ERC1: variants seen among roughly 807,000 people sequenced by gnomAD.
The protein encoded by ERC1 is RAB6 interacting protein 2.
ERC1 carries 56 observed loss-of-function variants against 132.0 expected under a neutral mutation model. That is an observed-to-expected ratio of 0.42 (90% CI 0.34 to 0.53). The LOEUF (loss-of-function observed/expected upper bound fraction) is 0.53. ERC1 is among the 20% of genes least tolerant of loss of function. The pLI is 0.03. For synonymous variants in ERC1, 478 were observed against 476.1 expected (o/e 1.00, Z -0.05); for missense variants, 1,202 against 1,349.9 (o/e 0.89, Z 1.72).
At chr12:1,306,089 A>G (rs1188762605) in intron 15 of ERC1, among the ~76,000 whole-genome samples, 1 of 152,136 alleles carries the variant, frequency 6.6e-6, no homozygotes, top group Admixed American at 6.5e-5. Flanking sequence ...TTATTTTTCC[A>G]GTATACTTTA....
intron 15 of ERC1, among the ~76,000 whole-genome samples, chr12:1,331,678 G>C (rs11837688): frequency 0.39 from 58,796 of 151,988 alleles, 11,660 homozygotes; most frequent in African/African-American, 0.44. Flanking sequence ...CTGGTGTTAA[G>C]CGATGAGCCT....
At chr12:1,013,277 A>T (rs150778540) in intron 1 of ERC1, among the ~76,000 whole-genome samples, 20 of 152,292 alleles carry the variant, frequency 1.3e-4, no homozygotes, top group Admixed American at 4.6e-4. Context: ...CAACTGGAGA[A>T]CAACTATGAT....
chr12:1,195,624 G>A (rs1956147646), intron 12 of ERC1, among the ~76,000 whole-genome samples: 1 of 152,124 alleles, frequency 6.6e-6, no homozygotes, highest in African/African-American at 2.4e-5. Flanking sequence ...TTATCTTGTC[G>A]GGATGTGATA....
intron 15 of ERC1, among the ~76,000 whole-genome samples, chr12:1,293,784 A>G (rs2079686556): frequency 6.6e-6 from 1 of 152,212 alleles, no homozygotes; most frequent in Admixed American, 6.5e-5. Flanking sequence ...ATGAAAATGC[A>G]TTCTGAGTTA....
At position 1,027,920 on chromosome 12, in the gene ERC1, G is replaced by T. The variant is rs140435811; in HGVS notation, c.17G>T (p.Arg6Leu). The change falls in exon 2 of 19, where the codon CGC becomes CTC. Residue 6 changes from arginine (R) to leucine (L), a missense_variant. By Grantham distance (102) the Arg-to-Leu change is moderately radical (BLOSUM62 -2). Transcript: ENST00000360905. MYGSA[R>L]SVGKVEPSSQ... The stretch of plus-strand genomic sequence containing the variant: ...CTTGCAACCATGTATGGAAGTGCCC[G>T]CTCTGTTGGGAAGGTGGAGCCGAGC... 1 of 1,608,154 alleles carries T rather than the reference G, an allele frequency of 6.2e-7. No individual in the cohort carries two copies. The highest frequency in any genetic ancestry group is 8.5e-7 in the Non-Finnish European group (1 of 1,175,818).
rs547925782 is a variant in ERC1 at position 1,367,976 on chromosome 12, C to T, written c.2781-3857C>T. ...CTTTTTTTTTTTTTTTTTTTTTTAA[C>T]TCTGGAAAAGAAGGGAACAGAACAA... On this transcript the variant is annotated intron_variant, in intron 15 of 18. Transcript: ENST00000360905. Among the ~76,000 whole-genome samples the T allele has an allele frequency of 6.2e-3, 675 of 108,292 alleles. 4 individuals are homozygous for T. Among genetic ancestry groups the T allele is most frequent in the Non-Finnish European group, 8.3e-3 (476 of 57,154 alleles). The allele number at this position is 108,292 out of a possible 152,430, so 71.0% of individuals were successfully genotyped here. A position where few individuals can be genotyped will look rare whatever the true frequency, so the allele number is the denominator to read the frequency against.
At chr12:1,004,836 GTGTGTGTGTGTGTA>G (rs1453696164) in intron 1 of ERC1, among the ~76,000 whole-genome samples, 61 of 106,610 alleles carry the variant, frequency 5.7e-4, no homozygotes, top group South Asian at 1.6e-3. Flanking sequence ...GTGTGTGTGT[GTGTGTGTGTGTGTA>G]TAAATTTTTT....
At chr12:1,166,095 G>A (rs1279072593) in intron 8 of ERC1, among the ~76,000 whole-genome samples, 1 of 152,136 alleles carries the variant, frequency 6.6e-6, no homozygotes, top group East Asian at 1.9e-4. Flanking sequence ...GTGAAGACAT[G>A]AGATTTGGGA....
chr12:1,491,064 G>T lies in ERC1; in HGVS notation c.*834G>T. 2 of 232,904 alleles carry T rather than the reference G, an allele frequency of 8.6e-6. No individual in the cohort carries two copies. The highest frequency in any genetic ancestry group is 1.7e-5 in the Non-Finnish European group (2 of 117,830). 14.4% of individuals were successfully genotyped at this position (232,904 alleles called of 1,614,324 possible). ...AGAGCACCAGCCAGGGCAACATAGC[G>T]TGACCCTGTCTCTACAAAAAATTAA... On this transcript the variant is annotated 3_prime_UTR_variant, in exon 19 of 19. Coordinates refer to ENST00000360905, the MANE Select transcript of ERC1 (RefSeq NM_178040.4).
At chr12:1,354,446 C>T (rs2085330955) in intron 15 of ERC1, among the ~76,000 whole-genome samples, 1 of 151,986 alleles carries the variant, frequency 6.6e-6, no homozygotes, top group Admixed American at 6.6e-5. Flanking sequence ...TCATTTGAAC[C>T]TGGGAGGCAG....
intron 1 of ERC1, among the ~76,000 whole-genome samples, chr12:1,015,617 A>C (rs1965396943): frequency 6.6e-6 from 1 of 152,138 alleles, no homozygotes; most frequent in African/African-American, 2.4e-5. Context: ...GCACATTTTA[A>C]ATTTTGATAG....
chr12:1,452,300 G>A (rs1458227564), intron 18 of ERC1, among the ~76,000 whole-genome samples: 1 of 152,062 alleles, frequency 6.6e-6, no homozygotes, highest in African/African-American at 2.4e-5. Flanking sequence ...TTGTTTTGGG[G>A]TGAGTGGGTT....
At chr12:1,121,677 ATCTATCTCTATC>A (rs370783673) in intron 7 of ERC1, among the ~76,000 whole-genome samples, 7 of 8,178 alleles carry the variant, frequency 8.6e-4, no homozygotes, top group Admixed American at 1.5e-3. Context: ...CTCTATCTCT[ATCTATCTCTATC>A]TCTATCTCTA....
intron 16 of ERC1, among the ~76,000 whole-genome samples, chr12:1,383,221 C>T (rs73026411): frequency 0.023 from 3,446 of 152,258 alleles, 53 homozygotes; most frequent in Middle Eastern, 0.071. Flanking sequence ...CCTGCCCATA[C>T]GCTGGTGCCC....
chr12:1,464,847 AT>A (rs2093713487), intron 18 of ERC1, among the ~76,000 whole-genome samples: 1 of 151,916 alleles, frequency 6.6e-6, no homozygotes, highest in Non-Finnish European at 1.5e-5. Context: ...TCTAGTTTTT[AT>A]TAGCTTGGCC....
rs560822799 is a variant in ERC1 at position 1,464,767 on chromosome 12, A to G, written c.3213+20017A>G. ...GATCTCTTGACCTCACGATCTGCCC[A>G]CCTCAGCCTCCCAAAGTGCTGGGAT... On this transcript the variant is annotated intron_variant, in intron 18 of 18. Coordinates refer to ENST00000360905, the MANE Select transcript of ERC1 (RefSeq NM_178040.4). 3.3e-5 allele frequency among the ~76,000 whole-genome samples: 5 copies of G among 151,748 alleles called. No homozygotes were observed. In the South Asian group the frequency reaches 6.3e-4, roughly 19 times the overall value.
At chr12:1,373,964 A>G (rs1211688802) in intron 16 of ERC1, among the ~76,000 whole-genome samples, 2 of 152,238 alleles carry the variant, frequency 1.3e-5, no homozygotes. Context: ...TCCTTCCTAC[A>G]GTCATCTCCT....
At chr12:1,368,572 A>G (rs1056270100) in intron 15 of ERC1, among the ~76,000 whole-genome samples, 2 of 152,190 alleles carry the variant, frequency 1.3e-5, no homozygotes, top group Non-Finnish European at 2.9e-5. Context: ...CGACTATACC[A>G]TATGGTCCTT....
chr12:1,188,205 T>G (rs1258517263), intron 11 of ERC1, among the ~76,000 whole-genome samples: 3 of 152,228 alleles, frequency 2.0e-5, no homozygotes, highest in African/African-American at 7.2e-5. Flanking sequence ...CCTTCTTTCT[T>G]CGTAGATACT....
Sources: allele counts gnomAD v4.1 joint callset (sites outside exome capture counted in the v4.1 genomes callset), GRCh38; gene constraint gnomAD v4.1.1; transcripts MANE v1.5; gene names NCBI Gene and HGNC (gene_info 2026-07-23, HGNC 2026-07-21).